FAM47E: variants seen among roughly 807,000 people sequenced by gnomAD.
FAM47E encodes the protein family with sequence similarity 47 member E, also known as protein FAM47E.
Under a neutral mutation model 41.6 loss-of-function variants are expected in FAM47E, and 32 were observed. The ratio of observed to expected loss-of-function variants is 0.77; its 90% CI spans 0.58 to 1.03. The LOEUF is 1.03. Among genes scored for constraint, FAM47E ranks in the 50% least tolerant of loss-of-function variants. The pLI, the probability that FAM47E is intolerant of heterozygous loss-of-function variation, is 0.00. For missense variants in FAM47E, 424 were observed against 485.4 expected (o/e 0.87, Z 1.19); for synonymous variants, 184 against 188.7 (o/e 0.98, Z 0.20).
intron 2 of FAM47E, among the ~76,000 whole-genome samples, chr4:76,237,163 G>T (rs1733602752): frequency 6.6e-6 from 1 of 151,942 alleles, no homozygotes; most frequent in Non-Finnish European, 1.5e-5. Context: ...CCAAAGTGCT[G>T]GGCTTACAGG....
At chr4:76,273,216 G>A (rs916970650) in intron 5 of FAM47E, among the ~76,000 whole-genome samples, 1 of 152,184 alleles carries the variant, frequency 6.6e-6, no homozygotes, top group Admixed American at 6.5e-5. Context: ...CTGGAGGAAT[G>A]GAACAAGGAT....
intron 5 of FAM47E, among the ~76,000 whole-genome samples, chr4:76,276,037 G>GACACACACAC (rs796893693): frequency 1.3e-3 from 82 of 62,398 alleles, no homozygotes; most frequent in African/African-American, 4.4e-3. Context: ...CAGACAGACA[G>GACACACACAC]ACACACACAC....
intron 5 of FAM47E, among the ~76,000 whole-genome samples, chr4:76,275,076 T>C (rs546026691): frequency 2.6e-5 from 4 of 152,218 alleles, no homozygotes; most frequent in Non-Finnish European, 5.9e-5. Context: ...TATTTTTTCT[T>C]GTTTTTTGAT....
intron 7 of FAM47E, 195 bp downstream of exon 7, chr4:76,280,536 A>T (rs1735301939): frequency 2.1e-6 from 1 of 477,188 alleles, no homozygotes; most frequent in Admixed American, 3.8e-5. Context: ...TGCCCTTTTT[A>T]TTCTGCCTAT....
chr4:76,262,421 C>G (rs1273619690), intron 2 of FAM47E, among the ~76,000 whole-genome samples: 1 of 151,846 alleles, frequency 6.6e-6, no homozygotes, highest in African/African-American at 2.4e-5. Context: ...TTTTTTAGTG[C>G]CCCCCACACT....
intron 2 of FAM47E, among the ~76,000 whole-genome samples, chr4:76,256,758 A>C (rs758466008): frequency 1.3e-4 from 20 of 152,148 alleles, no homozygotes; most frequent in Admixed American, 3.9e-4. Context: ...GAAGCCCTTC[A>C]ATTTACAAAG....
At chr4:76,240,896 G>C (rs904684688) in intron 2 of FAM47E, among the ~76,000 whole-genome samples, 6 of 152,084 alleles carry the variant, frequency 3.9e-5, no homozygotes, top group Admixed American at 6.6e-5. Flanking sequence ...TCCTCCATCA[G>C]ATCCTTTTCA....
At chr4:76,224,628 T>C (rs1398213459) in intron 2 of FAM47E, among the ~76,000 whole-genome samples, 1 of 152,198 alleles carries the variant, frequency 6.6e-6, no homozygotes, top group African/African-American at 2.4e-5. Context: ...AGTGGCATGA[T>C]TTTGGTTCAC....
chr4:76,217,492 A>T (rs1733228271), intron 1 of FAM47E: 1 of 409,316 alleles, frequency 2.4e-6, no homozygotes, highest in African/African-American at 2.0e-5. Flanking sequence ...CGGGTTGTTG[A>T]AAAGAGCTGG....
At chr4:76,230,149 G>T (rs866015540) in intron 2 of FAM47E, among the ~76,000 whole-genome samples, 2 of 152,176 alleles carry the variant, frequency 1.3e-5, no homozygotes, top group African/African-American at 4.8e-5. Context: ...AAACCATGAG[G>T]TGGGTGCAGG....
intron 1 of FAM47E, among the ~76,000 whole-genome samples, chr4:76,253,902 C>T (rs1028773263): frequency 6.6e-6 from 1 of 151,932 alleles, no homozygotes; most frequent in African/African-American, 2.4e-5. Flanking sequence ...CACTTGAACC[C>T]GAAGTTTGAG....
Position 76,271,771 on chromosome 4 carries a change from A to G in FAM47E, c.870+3A>G. On this transcript the variant is annotated splice_donor_region_variant and intron_variant, in intron 5 of 7. Coordinates refer to ENST00000424749, the MANE Select transcript of FAM47E (RefSeq NM_001136570.3). Reference sequence around the variant, plus strand: ...AGAGGAAACTCCAGAAACCACAGGTAATTGCAGAAGGGGACCAGACCGAAA... The same window carrying G: ...AGAGGAAACTCCAGAAACCACAGGTGATTGCAGAAGGGGACCAGACCGAAA... 1 of 1,550,918 alleles carries G rather than the reference A, an allele frequency of 6.4e-7. No individual in the cohort carries two copies. The highest frequency in any genetic ancestry group is 8.7e-7 in the Non-Finnish European group (1 of 1,146,698).
chr4:76,227,549 T>A (rs917054152), intron 2 of FAM47E, among the ~76,000 whole-genome samples: 2 of 152,138 alleles, frequency 1.3e-5, no homozygotes, highest in African/African-American at 4.8e-5. Flanking sequence ...AATATCTATC[T>A]GGGGTATAGT....
chr4:76,273,704 CT>C (rs200056634), intron 5 of FAM47E, among the ~76,000 whole-genome samples: 6 of 151,226 alleles, frequency 4.0e-5, no homozygotes, highest in East Asian at 3.9e-4. Flanking sequence ...TTTCTTCAAA[CT>C]TTTTTTTTGT....
chr4:76,256,668 G>T, intron 2 of FAM47E, 145 bp downstream of exon 2: 7 of 978,642 alleles, frequency 7.2e-6, no homozygotes, highest in Non-Finnish European at 1.0e-5. Context: ...GTTCTTATGG[G>T]CCTCAGAGCA....
At chr4:76,276,032 A>AGACG (rs2110024636) in intron 5 of FAM47E, among the ~76,000 whole-genome samples, 1 of 77,152 alleles carries the variant, frequency 1.3e-5, no homozygotes, top group East Asian at 2.4e-4. Flanking sequence ...ACAGACAGAC[A>AGACG]GACAGACACA....
intron 4 of FAM47E, among the ~76,000 whole-genome samples, chr4:76,270,481 T>G (rs551494638): frequency 5.9e-5 from 9 of 152,164 alleles, no homozygotes; most frequent in Non-Finnish European, 1.2e-4. Flanking sequence ...GGACAGAGAC[T>G]CCTCAGAGGG....
At chr4:76,272,002 C>T (rs1377498103) in intron 5 of FAM47E, among the ~76,000 whole-genome samples, 3 of 152,072 alleles carry the variant, frequency 2.0e-5, no homozygotes, top group Non-Finnish European at 4.4e-5. Flanking sequence ...TAGTCATTTT[C>T]AGAGATAATT....
At chr4:76,256,968 T>TG (rs1734220504) in intron 2 of FAM47E, among the ~76,000 whole-genome samples, 1 of 152,196 alleles carries the variant, frequency 6.6e-6, no homozygotes, top group Non-Finnish European at 1.5e-5. Context: ...AGAAAGGTCA[T>TG]GGGGAAAATC....
Sources: gnomAD v4.1 joint callset for allele counts (sites outside exome capture counted in the v4.1 genomes callset) on GRCh38, gnomAD v4.1.1 for gene constraint, MANE v1.5 for transcripts, NCBI Gene and HGNC (gene_info 2026-07-23, HGNC 2026-07-21) for gene names.